EPHA6: variants seen among roughly 807,000 people sequenced by gnomAD.
EPHA6 encodes EPH receptor A6.
In EPHA6, 50 loss-of-function variants were observed where a neutral mutation model predicts 112.0. The ratio of observed to expected loss-of-function variants is 0.45; its 90% CI spans 0.36 to 0.56. The LOEUF (loss-of-function observed/expected upper bound fraction) is 0.56. EPHA6 is among the 20% of genes least tolerant of loss of function. The probability of loss-of-function intolerance (pLI) is 0.00; values close to 1 mark genes in which losing one functional copy is unlikely to be tolerated. For synonymous variants in EPHA6, 529 were observed against 490.7 expected (o/e 1.08, Z -1.03); for missense variants, 1,280 against 1,417.4 (o/e 0.90, Z 1.56).
intron 2 of EPHA6, among the ~76,000 whole-genome samples, chr3:96,893,002 G>A (rs527997644): frequency 1.7e-4 from 26 of 151,412 alleles, no homozygotes; most frequent in Admixed American, 6.6e-4. Context: ...GTGTGTGCGC[G>A]CGCAAAGTCA....
At chr3:96,912,940 A>G (rs1486065186) in intron 2 of EPHA6, among the ~76,000 whole-genome samples, 1 of 152,100 alleles carries the variant, frequency 6.6e-6, no homozygotes, top group Non-Finnish European at 1.5e-5. Context: ...GAACATAGTA[A>G]CTTAAAAAAA....
At chr3:96,903,040 A>G (rs2038705406) in intron 2 of EPHA6, among the ~76,000 whole-genome samples, 1 of 152,212 alleles carries the variant, frequency 6.6e-6, no homozygotes, top group South Asian at 2.1e-4. Flanking sequence ...AAACAAATAA[A>G]TAAAATACTG....
intron 3 of EPHA6, among the ~76,000 whole-genome samples, chr3:97,048,902 G>A (rs560740384): frequency 5.3e-5 from 8 of 152,308 alleles, no homozygotes; most frequent in African/African-American, 1.4e-4. Flanking sequence ...GGGGAGCAGG[G>A]GGATGTGCAG....
At chr3:96,943,162 A>G (rs1033337331) in intron 2 of EPHA6, among the ~76,000 whole-genome samples, 3 of 152,066 alleles carry the variant, frequency 2.0e-5, no homozygotes, top group Non-Finnish European at 4.4e-5. Flanking sequence ...AAATGACAGG[A>G]TTTCATTCTT....
chr3:97,157,391 T>A (rs897333905), intron 3 of EPHA6, among the ~76,000 whole-genome samples: 3 of 152,180 alleles, frequency 2.0e-5, no homozygotes, highest in African/African-American at 7.2e-5. Flanking sequence ...TTGGTATAAT[T>A]TGCTAGAAGA....
intron 5 of EPHA6, among the ~76,000 whole-genome samples, chr3:97,357,424 A>G (rs1038749268): frequency 2.6e-5 from 4 of 151,242 alleles, no homozygotes; most frequent in African/African-American, 7.3e-5. Flanking sequence ...CTTGTCTTGA[A>G]CCCCTGACCT....
chr3:96,840,508 C>A (rs568480843), intron 1 of EPHA6, among the ~76,000 whole-genome samples: 1 of 152,048 alleles, frequency 6.6e-6, no homozygotes, highest in Non-Finnish European at 1.5e-5. Flanking sequence ...GACCTTGGGC[C>A]TGTAGTCGTG....
intron 2 of EPHA6, among the ~76,000 whole-genome samples, chr3:96,933,332 TAAC>T (rs2040427780): frequency 6.6e-6 from 1 of 152,208 alleles, no homozygotes; most frequent in Non-Finnish European, 1.5e-5. Flanking sequence ...TTCCTCTGAC[TAAC>T]AATATATTTA....
At chr3:97,378,272 G>A (rs1197597777) in intron 5 of EPHA6, among the ~76,000 whole-genome samples, 2 of 152,198 alleles carry the variant, frequency 1.3e-5, no homozygotes, top group Admixed American at 1.3e-4. Flanking sequence ...TTCTGAGGCT[G>A]TAGGTGCACA....
intron 2 of EPHA6, among the ~76,000 whole-genome samples, chr3:96,906,383 T>C (rs796614167): frequency 6.6e-6 from 1 of 152,084 alleles, no homozygotes; most frequent in Non-Finnish European, 1.5e-5. Flanking sequence ...TTGTCTTCCC[T>C]GGTTCTCAAT....
rs150779471 is a variant in EPHA6 at position 97,496,266 on chromosome 3, G to A, written c.2200+12207G>A. Among the ~76,000 whole-genome samples the A allele has an allele frequency of 2.1e-3, 316 of 151,992 alleles. 1 individual carries two copies. Among genetic ancestry groups the A allele is most frequent in the African/African-American group, 7.3e-3 (302 of 41,458 alleles). On this transcript the variant is annotated intron_variant, in intron 10 of 17. Transcript: ENST00000389672. ...AATCTTTGTCCGTGGTTTCCTCCTCGCTTCAGCCTATCAGGAAAAAAAAGT... is the reference window on the plus strand; with the variant it reads ...AATCTTTGTCCGTGGTTTCCTCCTCACTTCAGCCTATCAGGAAAAAAAAGT...
chr3:97,454,194 G>GA (rs1309676551), intron 7 of EPHA6, among the ~76,000 whole-genome samples: 1 of 151,678 alleles, frequency 6.6e-6, no homozygotes, highest in East Asian at 1.9e-4. Context: ...TCTTGCCAGT[G>GA]AGAAATCATC....
At chr3:97,006,687 A>G (rs1168703463) in intron 3 of EPHA6, among the ~76,000 whole-genome samples, 1 of 151,654 alleles carries the variant, frequency 6.6e-6, no homozygotes, top group Non-Finnish European at 1.5e-5. Flanking sequence ...AGCTCTTTTA[A>G]TTTTGATTTT....
chr3:97,468,563 T>C (rs2091132847), intron 7 of EPHA6, among the ~76,000 whole-genome samples: 1 of 151,676 alleles, frequency 6.6e-6, no homozygotes. Flanking sequence ...TTGACTATTT[T>C]TACTTTTTTT....
chr3:97,188,327 G>A (rs1327175708), intron 3 of EPHA6, among the ~76,000 whole-genome samples: 1 of 151,786 alleles, frequency 6.6e-6, no homozygotes, highest in African/African-American at 2.4e-5. Context: ...AAGAATTAAT[G>A]TAAAAAATAA....
At chr3:97,373,897 C>G (rs2085205483) in intron 5 of EPHA6, among the ~76,000 whole-genome samples, 1 of 152,016 alleles carries the variant, frequency 6.6e-6, no homozygotes, top group Admixed American at 6.6e-5. Context: ...ATATGAAGCC[C>G]TTGCTGGATA....
At chr3:97,722,067 G>C (rs1390611253) in intron 15 of EPHA6, among the ~76,000 whole-genome samples, 1 of 152,076 alleles carries the variant, frequency 6.6e-6, no homozygotes, top group Non-Finnish European at 1.5e-5. Context: ...CTCCAGATGA[G>C]TTATAGTCTT....
At chr3:97,176,127 A>G (rs1308809555) in intron 3 of EPHA6, among the ~76,000 whole-genome samples, 2 of 151,756 alleles carry the variant, frequency 1.3e-5, no homozygotes, top group Non-Finnish European at 3.0e-5. Context: ...GTTGAATTTT[A>G]TCAATTTTTT....
chr3:97,369,534 T>C (rs572493590), intron 5 of EPHA6, among the ~76,000 whole-genome samples: 16 of 152,306 alleles, frequency 1.1e-4, no homozygotes, highest in Middle Eastern at 3.4e-3. Context: ...TTGTTCCAGA[T>C]ACTGGCGTGG....
Sources: allele counts gnomAD v4.1 joint callset (sites outside exome capture counted in the v4.1 genomes callset), GRCh38; gene constraint gnomAD v4.1.1; transcripts MANE v1.5; gene names NCBI Gene and HGNC (gene_info 2026-07-23, HGNC 2026-07-21).